SLC24A2: variants seen among roughly 807,000 people sequenced by gnomAD.
The protein encoded by SLC24A2 is solute carrier family 24 member 2.
In SLC24A2, 36 loss-of-function variants were observed where a neutral mutation model predicts 62.0. The observed-to-expected ratio is 0.58, with a 90% CI of 0.44 to 0.77. The LOEUF (loss-of-function observed/expected upper bound fraction) is 0.77, where lower values mean the gene tolerates loss of function less well. SLC24A2 is among the 30% of genes least tolerant of loss of function. The pLI, the probability that SLC24A2 is intolerant of heterozygous loss-of-function variation, is 0.00. For missense variants in SLC24A2, 846 were observed against 817.9 expected (o/e 1.03, Z -0.42); for synonymous variants, 358 against 294.0 (o/e 1.22, Z -2.23).
chr9:19,671,446 G>A (rs559192687), intron 2 of SLC24A2, among the ~76,000 whole-genome samples: 1 of 151,854 alleles, frequency 6.6e-6, no homozygotes, highest in South Asian at 2.1e-4. Context: ...AGGTCTAGGA[G>A]CTTGTTGGAG....
At chr9:20,225,167 A>C in the SLC24A2 span, among the ~76,000 whole-genome samples, 407 of 152,228 alleles carry the variant, frequency 2.7e-3, 10 homozygotes, top group Admixed American at 0.021. Context: ...AGAAGGGTAC[A>C]TATTTTTAAG....
At chr9:19,785,373 C>T (rs1391882810) in intron 2 of SLC24A2, among the ~76,000 whole-genome samples, 1 of 152,192 alleles carries the variant, frequency 6.6e-6, no homozygotes, top group Non-Finnish European at 1.5e-5. Context: ...CTGATCAGTT[C>T]CTGGTCAAGT....
the SLC24A2 span, among the ~76,000 whole-genome samples, chr9:20,210,221 G>A: frequency 3.9e-5 from 6 of 152,294 alleles, no homozygotes; most frequent in South Asian, 1.2e-3. Context: ...TACACACCCA[G>A]ACCCAGCACC....
At chr9:19,685,873 A>C (rs1050845754) in intron 2 of SLC24A2, among the ~76,000 whole-genome samples, 12 of 152,124 alleles carry the variant, frequency 7.9e-5, no homozygotes, top group Admixed American at 2.6e-4. Flanking sequence ...ACATTTCATG[A>C]TGAAGATGCC....
At chr9:20,025,040 T>A in the SLC24A2 span, among the ~76,000 whole-genome samples, 1 of 152,292 alleles carries the variant, frequency 6.6e-6, no homozygotes, top group South Asian at 2.1e-4. Context: ...GAAATATATT[T>A]TACAATGCAA....
the SLC24A2 span, among the ~76,000 whole-genome samples, chr9:20,259,627 G>C: frequency 6.6e-6 from 1 of 151,998 alleles, no homozygotes; most frequent in Non-Finnish European, 1.5e-5. Flanking sequence ...CAAGTCTCTG[G>C]AGAGAGACTT....
At chr9:20,283,859 T>A in the SLC24A2 span, among the ~76,000 whole-genome samples, 1 of 152,070 alleles carries the variant, frequency 6.6e-6, no homozygotes, top group East Asian at 1.9e-4. Context: ...CCTCTGGAAT[T>A]GAGCAGGCAG....
chr9:20,191,154 T>TC, the SLC24A2 span, among the ~76,000 whole-genome samples: 1 of 124,592 alleles, frequency 8.0e-6, no homozygotes, highest in African/African-American at 3.4e-5. Context: ...CACCATGTTT[T>TC]CCGGACCTTT....
intron 7 of SLC24A2, among the ~76,000 whole-genome samples, chr9:19,570,122 T>C (rs995249131): frequency 2.9e-4 from 44 of 152,242 alleles, no homozygotes; most frequent in Non-Finnish European, 5.9e-5. Flanking sequence ...GTCTGACACA[T>C]ATTAGGTAAA....
chr9:19,908,282 A>G, the SLC24A2 span, among the ~76,000 whole-genome samples: 1 of 220 alleles, frequency 4.5e-3, no homozygotes, highest in South Asian at 0.17. Context: ...GGCTAGCCAT[A>G]TATAGAAAGC....
At chr9:20,292,165 G>C in the SLC24A2 span, among the ~76,000 whole-genome samples, 2 of 152,320 alleles carry the variant, frequency 1.3e-5, no homozygotes, top group African/African-American at 4.8e-5. Context: ...AAAACGACTT[G>C]CTTGTGCAGG....
At chr9:20,025,657 G>T in the SLC24A2 span, among the ~76,000 whole-genome samples, 33 of 152,204 alleles carry the variant, frequency 2.2e-4, no homozygotes, top group African/African-American at 7.7e-4. Flanking sequence ...TTCTTAAAAA[G>T]GTTCTGCTAT....
chr9:20,102,197 A>C, the SLC24A2 span, among the ~76,000 whole-genome samples: 2 of 152,200 alleles, frequency 1.3e-5, no homozygotes, highest in Admixed American at 6.5e-5. Flanking sequence ...TGGAGAACTA[A>C]GGTTTCTGGG....
chr9:19,566,486 A>AAAT (rs1385306600), intron 7 of SLC24A2, among the ~76,000 whole-genome samples: 1 of 150,874 alleles, frequency 6.6e-6, no homozygotes, highest in African/African-American at 2.4e-5. Flanking sequence ...GGATGTGGAG[A>AAAT]AATAGGAACA....
Position 19,539,511 on chromosome 9 carries a change from G to A in SLC24A2, c.1479+10626C>T, listed in dbSNP as rs868447144. Reference sequence around the variant, plus strand: ...TTGTTCAGTTTCCATGTAGTTGAGCGGCTTTGAGTGAGATTCTTAATCCTG... The same window carrying A: ...TTGTTCAGTTTCCATGTAGTTGAGCAGCTTTGAGTGAGATTCTTAATCCTG... On this transcript the variant is annotated intron_variant, in intron 8 of 10. Coordinates refer to ENST00000341998, the MANE Select transcript of SLC24A2 (RefSeq NM_020344.4). Among the ~76,000 whole-genome samples the A allele has an allele frequency of 3.1e-3, 449 of 144,058 alleles. 1 individual carries two copies. The highest frequency in any genetic ancestry group is 0.01 in the African/African-American group (393 of 38,768). The allele number at this position is 144,058 out of a possible 152,430, so 94.5% of individuals were successfully genotyped here. A position where few individuals can be genotyped will look rare whatever the true frequency, so the allele number is the denominator to read the frequency against.
chr9:19,642,071 A>T (rs1818511385), intron 2 of SLC24A2, among the ~76,000 whole-genome samples: 1 of 152,076 alleles, frequency 6.6e-6, no homozygotes, highest in Admixed American at 6.6e-5. Context: ...GTGTGTGAGT[A>T]GGAGTGTTAA....
chr9:20,242,604 C>T, the SLC24A2 span, among the ~76,000 whole-genome samples: 2 of 152,150 alleles, frequency 1.3e-5, no homozygotes, highest in Non-Finnish European at 2.9e-5. Flanking sequence ...CTGAAAATTC[C>T]AACTTAAGGT....
chr9:19,628,922 G>A (rs113463498), intron 2 of SLC24A2, among the ~76,000 whole-genome samples: 14 of 152,264 alleles, frequency 9.2e-5, no homozygotes, highest in African/African-American at 2.6e-4. Flanking sequence ...TGCGAGGTGC[G>A]GGTTGGGCAA....
chr9:20,029,144 G>T, the SLC24A2 span, among the ~76,000 whole-genome samples: 2 of 152,132 alleles, frequency 1.3e-5, no homozygotes, highest in Non-Finnish European at 2.9e-5. Flanking sequence ...CTACATCTTC[G>T]TCACCAAAGC....
Sources: allele counts gnomAD v4.1 joint callset (sites outside exome capture counted in the v4.1 genomes callset), GRCh38; gene constraint gnomAD v4.1.1; transcripts MANE v1.5; gene names NCBI Gene and HGNC (gene_info 2026-07-23, HGNC 2026-07-21).